The following NBAS variants were observed in gnomAD, a reference collection of about 807,000 sequenced individuals.
NBAS encodes NAG/BC035112 fusion.
Under a neutral mutation model 302.5 loss-of-function variants are expected in NBAS, and 219 were observed. The ratio of observed to expected loss-of-function variants is 0.72; its 90% CI spans 0.65 to 0.81. NBAS has a LOEUF of 0.81. Among genes scored for constraint, NBAS ranks in the 30% least tolerant of loss-of-function variants. NBAS has a pLI of 0.00. For synonymous variants in NBAS, 1,118 were observed against 1,021.6 expected (o/e 1.09, Z -1.80); for missense variants, 2,932 against 2,841.6 (o/e 1.03, Z -0.72).
At chr2:14,806,550 C>G in the NBAS span, among the ~76,000 whole-genome samples, 2 of 152,140 alleles carry the variant, frequency 1.3e-5, no homozygotes, top group African/African-American at 2.4e-5. Context: ...ACACACAGAC[C>G]CCTCAGAGTC....
intron 22 of NBAS, 125 bp from the exon 23 acceptor site, chr2:15,424,593 G>C: frequency 9.0e-7 from 1 of 1,106,560 alleles, no homozygotes; most frequent in Non-Finnish European, 1.4e-6. Context: ...CATGTATGTG[G>C]TTTGTGTATC....
At chr2:15,040,002 G>A in the NBAS span, among the ~76,000 whole-genome samples, 5 of 152,284 alleles carry the variant, frequency 3.3e-5, no homozygotes, top group South Asian at 6.2e-4. Context: ...CATCTTCCCC[G>A]TCTCCAGAGA....
chr2:15,180,966 G>T (rs1664791834), intron 50 of NBAS, among the ~76,000 whole-genome samples: 1 of 152,156 alleles, frequency 6.6e-6, no homozygotes, highest in Non-Finnish European at 1.5e-5. Context: ...ACCCTTAAAT[G>T]TCCCAGGTTA....
rs1424675594 is a variant in NBAS, at chr2:15,383,255, T to C, written c.3320A>G (p.Gln1107Arg). The C allele has an allele frequency of 6.2e-7, 1 of 1,614,122 alleles. No individual in the cohort carries two copies. ...TLLQDMLTMQ[Q>R]NVYTCLDSDA... is the part of the protein sequence containing the mutation. ...AGAATCTAGACATGTGTATACATTC[T>C]GCTGCATAGTTAACATGTCTTGCAG... The change falls in exon 29 of 52, where the codon CAG (glutamine) becomes CGG (arginine). Residue 1107 changes from glutamine (Q) to arginine (R), a missense_variant. Coordinates refer to ENST00000281513, the MANE Select transcript of NBAS (RefSeq NM_015909.4).
chr2:14,841,229 C>T, the NBAS span, among the ~76,000 whole-genome samples: 2 of 151,280 alleles, frequency 1.3e-5, no homozygotes, highest in Non-Finnish European at 3.0e-5. Flanking sequence ...AAATATATTC[C>T]CAGAGAAAAT....
the NBAS span, among the ~76,000 whole-genome samples, chr2:14,957,704 C>G: frequency 9.7e-4 from 147 of 152,328 alleles, 2 homozygotes; most frequent in Non-Finnish European, 1.6e-4. Context: ...CTCCTTGGCT[C>G]CAGCCGTCAG....
At chr2:15,116,719 T>C in the NBAS span, among the ~76,000 whole-genome samples, 4 of 152,242 alleles carry the variant, frequency 2.6e-5, no homozygotes, top group African/African-American at 4.8e-5. Context: ...AATTTTTATT[T>C]GAACGTCTCA....
the NBAS span, among the ~76,000 whole-genome samples, chr2:14,870,741 C>T: frequency 6.6e-6 from 1 of 151,904 alleles, no homozygotes; most frequent in Non-Finnish European, 1.5e-5. Context: ...ATAAAAATTA[C>T]AGCTGTGCAG....
At chr2:15,434,122 C>T (rs1677894600) in intron 21 of NBAS, among the ~76,000 whole-genome samples, 1 of 151,298 alleles carries the variant, frequency 6.6e-6, no homozygotes, top group Non-Finnish European at 1.5e-5. Context: ...GAGACTGTCT[C>T]AAAAAAATAA....
chr2:15,423,834 C>T (rs2148476786), intron 23 of NBAS, among the ~76,000 whole-genome samples: 1 of 152,344 alleles, frequency 6.6e-6, no homozygotes, highest in Admixed American at 6.5e-5. Context: ...CCAGATCCTT[C>T]TCTAATGCAG....
Position 15,411,180 on chromosome 2 carries a change from C to A in NBAS, c.2937+4366G>T, listed in dbSNP as rs114745589. ...CGCCCTAAATCGGCTCCAGGGTCAG[C>A]TGACCAGGTCACTCATGATCTACCA... is the stretch of plus-strand genomic sequence containing the variant. On this transcript the variant is annotated intron_variant, in intron 25 of 51. Transcript: ENST00000281513. Among the ~76,000 whole-genome samples, 1,029 of 152,268 alleles carry A rather than the reference C, an allele frequency of 6.8e-3. 12 individuals are homozygous for A. The highest frequency in any genetic ancestry group is 0.022 in the African/African-American group (928 of 41,548).
At chr2:15,482,488 G>A (rs559616227) in intron 12 of NBAS, among the ~76,000 whole-genome samples, 11 of 152,202 alleles carry the variant, frequency 7.2e-5, no homozygotes, top group South Asian at 4.1e-4. Context: ...TGCTTCTCTC[G>A]TTAACCTGTC....
At chr2:15,121,465 G>C in the NBAS span, among the ~76,000 whole-genome samples, 1 of 152,210 alleles carries the variant, frequency 6.6e-6, no homozygotes, top group East Asian at 1.9e-4. Context: ...GAATGTTCGA[G>C]GTACACGTCA....
the NBAS span, among the ~76,000 whole-genome samples, chr2:15,101,889 A>C: frequency 6.6e-6 from 1 of 152,244 alleles, no homozygotes; most frequent in East Asian, 1.9e-4. Flanking sequence ...GCATTTCCCC[A>C]CTTTCTGAAG....
chr2:15,301,908 A>T (rs1670814075), intron 40 of NBAS, among the ~76,000 whole-genome samples: 1 of 152,154 alleles, frequency 6.6e-6, no homozygotes, highest in South Asian at 2.1e-4. Flanking sequence ...CAATCATGGG[A>T]TGTGCAGAGC....
At chr2:15,173,791 T>C (rs1204177118) in intron 51 of NBAS, among the ~76,000 whole-genome samples, 2 of 152,220 alleles carry the variant, frequency 1.3e-5, no homozygotes, top group East Asian at 1.9e-4. Flanking sequence ...TTGAGGGCCC[T>C]GATCTGGCTA....
rs1266191855 is a variant in NBAS at position 15,232,421 on chromosome 2, C to T, written c.6236+1G>A. On this transcript the variant is annotated splice_donor_variant, in intron 47 of 51. Transcript: ENST00000281513. LOFTEE classifies it high-confidence loss of function. The stretch of plus-strand genomic sequence containing the variant: ...AGATGCACATACTGTTCTAGTCTTA[C>T]CCCTTGTCCACACTGGCGTGGACTG... 2 of 1,613,664 alleles carry T rather than the reference C, an allele frequency of 1.2e-6. No individual in the cohort carries two copies. Among genetic ancestry groups the T allele is most frequent in the Non-Finnish European group, 1.7e-6 (2 of 1,179,732 alleles).
chr2:15,141,910 T>C, the NBAS span, among the ~76,000 whole-genome samples: 3 of 152,216 alleles, frequency 2.0e-5, no homozygotes, highest in African/African-American at 7.2e-5. Context: ...GGTTTTGTTT[T>C]CCCCTTCCTG....
chr2:15,538,327 C>T (rs754342740), intron 7 of NBAS: 4 of 476,630 alleles, frequency 8.4e-6, no homozygotes, highest in African/African-American at 2.0e-5. Context: ...GCTAAGATTC[C>T]CAGAATATGA....
Sources: gnomAD v4.1 joint callset for allele counts (sites outside exome capture counted in the v4.1 genomes callset) on GRCh38, gnomAD v4.1.1 for gene constraint, MANE v1.5 for transcripts, NCBI Gene and HGNC (gene_info 2026-07-23, HGNC 2026-07-21) for gene names.